BAHCC1: variants seen among roughly 807,000 people sequenced by gnomAD.
BAHCC1 encodes BAH and coiled-coil domain-containing protein 1.
Under a neutral mutation model 88.2 loss-of-function variants are expected in BAHCC1, and 43 were observed. The observed-to-expected ratio is 0.49, with a 90% CI of 0.38 to 0.63. BAHCC1 has a LOEUF of 0.63. Among genes scored for constraint, BAHCC1 ranks in the 20% least tolerant of loss-of-function variants. The pLI is 0.00. For synonymous variants in BAHCC1, 1,510 were observed against 745.5 expected (o/e 2.03, Z -16.71); for missense variants, 3,023 against 1,654.8 (o/e 1.83, Z -14.34).
intron 2 of BAHCC1, among the ~76,000 whole-genome samples, chr17:81,421,289 C>T (rs1555649555): frequency 6.6e-6 from 1 of 152,254 alleles, no homozygotes; most frequent in African/African-American, 2.4e-5. Flanking sequence ...CTACACTCGG[C>T]TCCCAGGCAG....
At position 81,438,427 on chromosome 17, in the gene BAHCC1, A is replaced by G. The variant is rs2064366947; in HGVS notation, c.416A>G (p.His139Arg). The G allele has an allele frequency of 1.3e-6, 1 of 778,254 alleles. No homozygotes were observed. The highest frequency in any genetic ancestry group is 2.4e-6 in the Non-Finnish European group (1 of 417,368). The allele number at this position is 778,254 out of a possible 1,614,324, so 48.2% of individuals were successfully genotyped here. A position where few individuals can be genotyped will look rare whatever the true frequency, so the allele number is the denominator to read the frequency against. Reference protein sequence around the residue: ...SLASTFLPVSHLDHHGNSNVL... With the variant: ...SLASTFLPVSRLDHHGNSNVL... ...GCATCCACCTTCCTACCCGTGAGCC[A>G]CTTGGATCACCATGGAAACAGCAAC... Residue 139 changes from histidine (H) to arginine (R), a missense_variant, in exon 4 of 28, where the codon CAC becomes CGC. Physicochemically the swap from His to Arg is conservative, Grantham distance 29. Coordinates refer to ENST00000675386, the MANE Select transcript of BAHCC1 (RefSeq NM_001377448.1).
In BAHCC1 at chr17:81,399,008, A is replaced by C. The variant is rs1555645366; in HGVS notation, c.-206-526A>C. On this transcript the variant is annotated intron_variant, in intron 1 of 27. Transcript: ENST00000675386. The surrounding 1 kb of genome is among the most constrained non-coding windows in gnomAD (Gnocchi z 4.5). ...TTAGCATGGTTATTCGGTTAAGCGGAATGCAGTAAAAGCTGGACCTCGGCA... is the reference window on the plus strand; with the variant it reads ...TTAGCATGGTTATTCGGTTAAGCGGCATGCAGTAAAAGCTGGACCTCGGCA... Among the ~76,000 whole-genome samples the C allele has an allele frequency of 6.6e-6, 1 of 151,246 alleles. No homozygotes were observed. The highest frequency in any genetic ancestry group is 1.5e-5 in the Non-Finnish European group (1 of 67,898).
chr17:81,447,945 G>T, intron 11 of BAHCC1, 97 bp downstream of exon 11: 1 of 675,448 alleles, frequency 1.5e-6, no homozygotes, highest in Non-Finnish European at 2.7e-6. Context: ...CTTGGGCCCC[G>T]CTCAGTTGTC....
chr17:81,420,429 G>A (rs2064102864), intron 2 of BAHCC1, among the ~76,000 whole-genome samples: 1 of 152,174 alleles, frequency 6.6e-6, no homozygotes, highest in South Asian at 2.1e-4. Context: ...CCCGCTGCTG[G>A]GCCACCCTGG....
rs529671512 is a variant in BAHCC1, at chr17:81,459,800, C to T, written c.5905+196C>T. Among the ~76,000 whole-genome samples, 98 of 151,920 alleles carry T rather than the reference C, an allele frequency of 6.5e-4. 3 individuals carry two copies. In the South Asian group the frequency reaches 0.018, roughly 28 times the overall value. ...GTGTGGGGAGGGAGGGTGGGGGCTC[C>T]GGCCTCCAGCCAAGCAGAGAGGGCC... On this transcript the variant is annotated intron_variant, in intron 23 of 27. Transcript: ENST00000675386.
At chr17:81,428,028 CAG>C (rs2064220683) in intron 3 of BAHCC1, among the ~76,000 whole-genome samples, 2 of 152,216 alleles carry the variant, frequency 1.3e-5, no homozygotes, top group African/African-American at 4.8e-5. Context: ...GCTTTCGGCT[CAG>C]GGCGCACATG....
intron 3 of BAHCC1, among the ~76,000 whole-genome samples, chr17:81,432,941 C>T (rs1029314998): frequency 2.3e-5 from 3 of 128,560 alleles, no homozygotes; most frequent in Non-Finnish European, 4.9e-5. Context: ...CTGCGCTCCT[C>T]CCTGTGGGGT....
chr17:81,457,631 G>T, intron 17 of BAHCC1, 39 bp downstream of exon 17: 1 of 670,616 alleles, frequency 1.5e-6, no homozygotes, highest in East Asian at 2.7e-5. Flanking sequence ...AGGTAACCAG[G>T]AGGGAGGGCA....
intron 11 of BAHCC1, among the ~76,000 whole-genome samples, chr17:81,450,467 C>T (rs1176061351): frequency 6.6e-5 from 10 of 152,192 alleles, no homozygotes; most frequent in African/African-American, 2.4e-4. Context: ...GTTGGGCTGC[C>T]GCTGTTCCTG....
At chr17:81,452,680 G>A (rs144713983) in intron 13 of BAHCC1, 43 bp from the exon 14 acceptor site, 9 of 706,562 alleles carry the variant, frequency 1.3e-5, no homozygotes, top group African/African-American at 3.7e-5. Context: ...TCGGGGAGCT[G>A]GGTTGTGCAT....
intron 18 of BAHCC1, 50 bp downstream of exon 18, chr17:81,458,516 G>A (rs782025421): frequency 3.8e-5 from 24 of 638,632 alleles, no homozygotes; most frequent in South Asian, 6.9e-5. Context: ...TGCCTGTGAG[G>A]AAAGGCCTTC....
At chr17:81,407,032 C>G in intron 2 of BAHCC1, 1 of 454,836 alleles carries the variant, frequency 2.2e-6, no homozygotes, top group Admixed American at 2.4e-5. Context: ...TAGGATCCCC[C>G]AAGAAAAAGT....
At position 81,442,900 on chromosome 17, in the gene BAHCC1, C is replaced by T. The variant is rs782215129; in HGVS notation, c.1551C>T (p.Pro517=). The T allele has an allele frequency of 1.8e-5, 14 of 779,264 alleles. No individual in the cohort carries two copies. The highest frequency in any genetic ancestry group is 2.4e-5 in the Non-Finnish European group (10 of 417,858). The allele number at this position is 779,264 out of a possible 1,614,324, so 48.3% of individuals were successfully genotyped here. The change falls in exon 5 of 28, where the codon CCC becomes CCT. Residue 517 remains proline (P), a synonymous_variant. Coordinates refer to ENST00000675386, the MANE Select transcript of BAHCC1 (RefSeq NM_001377448.1). The part of the protein sequence containing the change: ...GHQDPLGGKA[P]QACCTLDKTV... ...AGGACCCGCTGGGCGGGAAGGCCCC[C>T]CAGGCCTGCTGCACTTTAGATAAGA...
chr17:81,426,652 G>A (rs1008223549), intron 2 of BAHCC1, 148 bp from the exon 3 acceptor site: 77 of 397,672 alleles, frequency 1.9e-4, no homozygotes, highest in Non-Finnish European at 3.1e-5. Context: ...TCCCATCATC[G>A]GTTTCTTGGA....
intron 3 of BAHCC1, among the ~76,000 whole-genome samples, chr17:81,436,197 G>A (rs2064333390): frequency 6.6e-6 from 1 of 152,214 alleles, no homozygotes; most frequent in African/African-American, 2.4e-5. Flanking sequence ...GGCAAGGATG[G>A]GGGCACCAGC....
At chr17:81,413,447 C>G (rs1421195353) in intron 2 of BAHCC1, among the ~76,000 whole-genome samples, 2 of 152,032 alleles carry the variant, frequency 1.3e-5, no homozygotes, top group East Asian at 3.9e-4. Flanking sequence ...CCCCTTCTGT[C>G]TTCCCCCCAC....
chr17:81,404,148 G>C (rs959734456), intron 2 of BAHCC1, among the ~76,000 whole-genome samples: 5 of 152,178 alleles, frequency 3.3e-5, no homozygotes, highest in Non-Finnish European at 7.3e-5. Context: ...AAATGCATAG[G>C]AGGCTGTTAG....
intron 14 of BAHCC1, 86 bp from the exon 15 acceptor site, chr17:81,455,169 GGTGACCCACAGT>G (rs1257772958): frequency 4.5e-5 from 29 of 651,314 alleles, no homozygotes; most frequent in Non-Finnish European, 7.3e-5. Flanking sequence ...CTTGGAGGAG[GGTGACCCACAGT>G]GTGACCCACT....
intron 11 of BAHCC1, among the ~76,000 whole-genome samples, chr17:81,448,730 T>TG (rs2064579029): frequency 6.6e-6 from 1 of 152,194 alleles, no homozygotes; most frequent in South Asian, 2.1e-4. Context: ...ATGAGGCTGC[T>TG]GGCCCGCACG....
Sources: gnomAD v4.1 joint callset for allele counts (sites outside exome capture counted in the v4.1 genomes callset) on GRCh38, gnomAD v4.1.1 for gene constraint, Gnocchi (gnomAD v3.1) non-coding constraint, MANE v1.5 for transcripts, NCBI Gene and HGNC (gene_info 2026-07-23, HGNC 2026-07-21) for gene names.